NME7: variants seen among roughly 807,000 people sequenced by gnomAD.
The protein encoded by NME7 is nucleoside diphosphate kinase 7.
A neutral mutation model predicts 49.1 loss-of-function variants in NME7; 41 were observed. The observed-to-expected ratio is 0.83, with a 90% CI of 0.65 to 1.08. The LOEUF is 1.08. Ranked by LOEUF, NME7 falls within the 50% of genes least tolerant of loss-of-function variation. NME7 has a pLI of 0.00. For missense variants in NME7, 423 were observed against 463.4 expected, an observed-to-expected ratio of 0.91 and a Z score of 0.80; for synonymous variants, 139 against 150.6, an observed-to-expected ratio of 0.92 and a Z score of 0.56.
chr1:169,285,455 C>T (rs1042185674), intron 7 of NME7: 2 of 152,140 alleles, frequency 1.3e-5, no homozygotes, highest in African/African-American at 4.8e-5. Context: ...ATATTACTAT[C>T]ACTTCCTATG....
chr1:169,324,564 C>A, intron 1 of NME7, 64 bp from the exon 2 acceptor site: 3 of 981,054 alleles, frequency 3.1e-6, no homozygotes, highest in South Asian at 2.9e-5. Context: ...TTCTGTAAGT[C>A]ACACAAAATG....
Position 169,255,112 on chromosome 1 carries a change from G to C in NME7, c.755-17425C>G, listed in dbSNP as rs1648860460. On this transcript the variant is annotated intron_variant, in intron 7 of 11. Coordinates refer to ENST00000367811, the MANE Select transcript of NME7 (RefSeq NM_013330.5). ...GTGCAGAGCTAAGTTCAATTCCTGG[G>C]TATCCTTGTTGACTTTCTGTCTCGT... is the stretch of plus-strand genomic sequence containing the variant. Among the ~76,000 whole-genome samples, 5 of 135,720 alleles carry C rather than the reference G, an allele frequency of 3.7e-5. No individual in the cohort carries two copies. The South Asian group carries it at 1.1e-3, about 31-fold the overall frequency. The allele number at this position is 135,720 out of a possible 152,430, so 89.0% of individuals were successfully genotyped here.
In NME7 at chr1:169,342,518, G is replaced by GTATATATAAGTACATATATATAGTATA. The variant is rs1557831069; in HGVS notation, c.4-18019_4-18018insTATACTATATATATGTACTTATATATA. ...ATATATACAAGTACATATATATATA[G>GTATATATAAGTACATATATATAGTATA]TATATATATACAAGTACATATATAT... On this transcript the variant is annotated intron_variant, in intron 1 of 11. Transcript: ENST00000367811. Among the ~76,000 whole-genome samples the GTATATATAAGTACATATATATAGTATA allele has an allele frequency of 8.4e-5, 8 of 95,458 alleles. 2 individuals are homozygous for GTATATATAAGTACATATATATAGTATA. Among genetic ancestry groups the GTATATATAAGTACATATATATAGTATA allele is most frequent in the Non-Finnish European group, 1.3e-4 (6 of 44,786 alleles). 62.6% of individuals were successfully genotyped at this position (95,458 alleles called of 152,430 possible).
chr1:169,230,858 A>C, intron 9 of NME7, 39 bp from the exon 10 acceptor site: 1 of 1,354,080 alleles, frequency 7.4e-7, no homozygotes, highest in Non-Finnish European at 1.0e-6. Flanking sequence ...AGAATTTAAC[A>C]ATTTTTAACT....
At chr1:169,282,854 T>C (rs1650081057) in intron 7 of NME7, among the ~76,000 whole-genome samples, 1 of 152,122 alleles carries the variant, frequency 6.6e-6, no homozygotes, top group East Asian at 1.9e-4. Flanking sequence ...GTCAGGAGTG[T>C]TTTACTTCCA....
chr1:169,205,636 G>A (rs1660653942), intron 10 of NME7, among the ~76,000 whole-genome samples: 1 of 152,124 alleles, frequency 6.6e-6, no homozygotes, highest in Non-Finnish European at 1.5e-5. Flanking sequence ...CCACTGCAAA[G>A]CACCACATGT....
At chr1:169,288,344 C>T (rs1387716737) in intron 6 of NME7, among the ~76,000 whole-genome samples, 1 of 152,094 alleles carries the variant, frequency 6.6e-6, no homozygotes, top group African/African-American at 2.4e-5. Context: ...GATTGGTACT[C>T]AAATCCCTGT....
chr1:169,242,523 T>C (rs1198817949), intron 7 of NME7, among the ~76,000 whole-genome samples: 1 of 151,998 alleles, frequency 6.6e-6, no homozygotes, highest in Admixed American at 6.6e-5. Context: ...AAGGCAAGAA[T>C]GTCCATTCTC....
chr1:169,196,919 T>A (rs1422931013), intron 10 of NME7, among the ~76,000 whole-genome samples: 1 of 152,164 alleles, frequency 6.6e-6, no homozygotes, highest in Non-Finnish European at 1.5e-5. Flanking sequence ...CTTGTTATAA[T>A]TAGAGAAAAT....
At chr1:169,194,867 G>A (rs1461098842) in intron 10 of NME7, among the ~76,000 whole-genome samples, 2 of 152,014 alleles carry the variant, frequency 1.3e-5, no homozygotes, top group Non-Finnish European at 2.9e-5. Context: ...AAATTCCATG[G>A]GTGACAGTTT....
chr1:169,212,802 A>T (rs1487606794), intron 10 of NME7, among the ~76,000 whole-genome samples: 2 of 151,510 alleles, frequency 1.3e-5, no homozygotes, highest in East Asian at 3.9e-4. Flanking sequence ...TTTTCGTTTT[A>T]AATATTTTTA....
In NME7 at chr1:169,287,317, T is replaced by C. The variant is rs143515962; in HGVS notation, c.740A>G (p.His247Arg). The change falls in exon 7 of 12, where the codon CAT becomes CGT. Residue 247 changes from histidine to arginine, a missense_variant. His to Arg is a conservative substitution (Grantham distance 29). Coordinates refer to ENST00000367811, the MANE Select transcript of NME7 (RefSeq NM_013330.5). Reference sequence around the variant, plus strand: ...ATTCAACATACCTTCACTGACAGCATGGGGTTTAACAATGCAACAGGTACA... The same window carrying C: ...ATTCAACATACCTTCACTGACAGCACGGGGTTTAACAATGCAACAGGTACA... ...TNCTCCIVKP[H>R]AVSEGLLGKI... 4.3e-5 allele frequency: 70 copies of C among 1,611,686 alleles called. No individual in the cohort carries two copies. The highest frequency in any genetic ancestry group is 3.3e-4 in the Middle Eastern group (2 of 6,068).
intron 1 of NME7, among the ~76,000 whole-genome samples, chr1:169,343,348 C>A (rs1483502823): frequency 6.6e-6 from 1 of 152,062 alleles, no homozygotes; most frequent in South Asian, 2.1e-4. Context: ...TGCCCTAGCA[C>A]CATCTGTTGA....
intron 3 of NME7, among the ~76,000 whole-genome samples, chr1:169,322,705 A>G (rs575921702): frequency 6.6e-6 from 1 of 151,740 alleles, no homozygotes; most frequent in South Asian, 2.1e-4. Context: ...TGTTAACAAA[A>G]CTTGACAATA....
intron 1 of NME7, among the ~76,000 whole-genome samples, chr1:169,353,251 A>G (rs903104133): frequency 6.6e-6 from 1 of 152,038 alleles, no homozygotes; most frequent in Non-Finnish European, 1.5e-5. Context: ...TACATCTACA[A>G]TGAACTCATT....
intron 8 of NME7, among the ~76,000 whole-genome samples, chr1:169,236,028 G>C (rs755461596): frequency 2.6e-5 from 4 of 151,986 alleles, no homozygotes; most frequent in Non-Finnish European, 5.9e-5. Flanking sequence ...AAGACCCACT[G>C]AGAAATTTCT....
At chr1:169,275,054 A>G (rs34578296) in intron 7 of NME7, among the ~76,000 whole-genome samples, 14,508 of 131,724 alleles carry the variant, frequency 0.11, 3,614 homozygotes, top group East Asian at 0.75. Context: ...AAATTACCTT[A>G]GGCAGTATGG....
chr1:169,259,994 T>C (rs1649112103), intron 7 of NME7, among the ~76,000 whole-genome samples: 1 of 133,576 alleles, frequency 7.5e-6, no homozygotes, highest in Non-Finnish European at 1.8e-5. Context: ...ATAACCACCA[T>C]GAAACTGCTC....
At chr1:169,138,357 A>T (rs193153283) in intron 11 of NME7, among the ~76,000 whole-genome samples, 3 of 152,134 alleles carry the variant, frequency 2.0e-5, no homozygotes, top group East Asian at 3.9e-4. Context: ...AAAATGTCAC[A>T]TTAAAATGAC....
Sources: gnomAD v4.1 joint callset for allele counts (sites outside exome capture counted in the v4.1 genomes callset) on GRCh38, gnomAD v4.1.1 for gene constraint, MANE v1.5 for transcripts, NCBI Gene and HGNC (gene_info 2026-07-23, HGNC 2026-07-21) for gene names.